Variants in SDC4 observed in about 807,000 individuals in gnomAD.
The protein encoded by SDC4 is syndecan 4, also known as syndecan-4.
SDC4 carries 17 observed loss-of-function variants against 20.5 expected under a neutral mutation model. The ratio of observed to expected loss-of-function variants is 0.83; its 90% confidence interval spans 0.57 to 1.25. The LOEUF (loss-of-function observed/expected upper bound fraction) is 1.25, where lower values mean the gene tolerates loss of function less well. SDC4 is among the 50% of genes most tolerant of loss of function. The pLI is 0.00. For missense variants in SDC4, 241 were observed against 252.3 expected (o/e 0.96, Z 0.30); for synonymous variants, 107 against 105.3 (o/e 1.02, Z -0.10).
chr20:45,328,209 C>A (rs1987723974), intron 4 of SDC4, among the ~76,000 whole-genome samples: 1 of 152,226 alleles, frequency 6.6e-6, no homozygotes, highest in Non-Finnish European at 1.5e-5. Context: ...TAATTCCAAA[C>A]TCTTATGTTA....
Position 45,328,446 on chromosome 20 carries a change from G to T in SDC4, c.446-1031C>A, listed in dbSNP as rs6032114. Among the ~76,000 whole-genome samples, 955 of 152,336 alleles carry T rather than the reference G, an allele frequency of 6.3e-3. 9 individuals carry two copies. The highest frequency in any genetic ancestry group is 0.022 in the African/African-American group (910 of 41,572). On this transcript the variant is annotated intron_variant, in intron 4 of 4. Coordinates refer to ENST00000372733, the MANE Select transcript of SDC4 (RefSeq NM_002999.4). ...TTCTCAAGATTCATTAACTGTAAGG[G>T]TTTAAGGTTTATATCTGTGTCCCGA...
At chr20:45,333,113 G>A (rs1987804831) in intron 2 of SDC4, 44 bp from the exon 3 acceptor site, 1 of 1,584,048 alleles carries the variant, frequency 6.3e-7, no homozygotes, top group Non-Finnish European at 8.7e-7. Context: ...CATTACCCCA[G>A]GAAAATGACC....
At chr20:45,337,416 G>A (rs1292817074) in intron 1 of SDC4, among the ~76,000 whole-genome samples, 1 of 152,132 alleles carries the variant, frequency 6.6e-6, no homozygotes, top group Non-Finnish European at 1.5e-5. Context: ...ATCACAGAAT[G>A]CCAGGACCCA....
intron 3 of SDC4, 86 bp downstream of exon 3, chr20:45,332,937 C>A (rs1049501922): frequency 1.8e-5 from 23 of 1,284,804 alleles, no homozygotes; most frequent in Non-Finnish European, 2.3e-5. Flanking sequence ...ACTTATTCTG[C>A]CTATGGGGGC....
intron 1 of SDC4, among the ~76,000 whole-genome samples, chr20:45,344,499 A>G (rs1222486620): frequency 6.6e-6 from 1 of 151,916 alleles, no homozygotes; most frequent in African/African-American, 2.4e-5. Context: ...TGGAAATCAC[A>G]CTCGCCTGTC....
At position 45,335,849 on chromosome 20, in the gene SDC4, G is replaced by T. The variant is rs141488868; in HGVS notation, c.132C>A (p.Asp44Glu). 1.2e-6 allele frequency: 2 copies of T among 1,614,022 alleles called. No homozygotes were observed. Among genetic ancestry groups the T allele is most frequent in the Non-Finnish European group, 1.7e-6 (2 of 1,179,990 alleles). The stretch of plus-strand genomic sequence containing the variant: ...GCCCGGGCCCCACTACATCCTCATC[G>T]TCTGGTAGGGCTCCGGAGAAGTATC... ...EGRYFSGALP[D>E]DEDVVGPGQE... Residue 44 changes from aspartate (D) to glutamate (E), a missense_variant, in exon 2 of 5, where the codon GAC (aspartate) becomes GAA (glutamate). Asp to Glu is a conservative substitution (Grantham distance 45). Coordinates refer to ENST00000372733, the MANE Select transcript of SDC4 (RefSeq NM_002999.4).
intron 3 of SDC4, among the ~76,000 whole-genome samples, chr20:45,332,034 G>A (rs892916206): frequency 4.6e-5 from 7 of 152,060 alleles, no homozygotes; most frequent in Non-Finnish European, 7.4e-5. Flanking sequence ...CCATTTTTCC[G>A]TCAATAAAGG....
At chr20:45,339,344 C>T (rs544823704) in intron 1 of SDC4, among the ~76,000 whole-genome samples, 19 of 152,356 alleles carry the variant, frequency 1.2e-4, no homozygotes, top group African/African-American at 4.1e-4. Context: ...CAGCTCACCC[C>T]ACCTTTGCCC....
intron 1 of SDC4, among the ~76,000 whole-genome samples, chr20:45,348,024 G>A (rs936675391): frequency 6.6e-6 from 1 of 152,176 alleles, no homozygotes; most frequent in African/African-American, 2.4e-5. Context: ...AGGGACGAGG[G>A]TGTGGGAGTT....
rs1389302766 is a variant in SDC4, at chr20:45,326,249, G to A, written c.*1015C>T. 2 of 147,532 alleles carry A rather than the reference G, an allele frequency of 1.4e-5. No homozygotes were observed. Among genetic ancestry groups the A allele is most frequent in the South Asian group, 2.1e-4 (1 of 4,678 alleles). The allele number at this position is 147,532 out of a possible 1,614,324, so 9.1% of individuals were successfully genotyped here. Reference sequence around the variant, plus strand: ...TTCGGCAAAAGCTATTTTATAAGAGGAAGCAGCTTCAGAAAGGGCCAAGGC... The same window carrying A: ...TTCGGCAAAAGCTATTTTATAAGAGAAAGCAGCTTCAGAAAGGGCCAAGGC... On this transcript the variant is annotated 3_prime_UTR_variant, in exon 5 of 5. Coordinates refer to ENST00000372733, the MANE Select transcript of SDC4 (RefSeq NM_002999.4).
chr20:45,330,309 C>T (rs1297469137), intron 4 of SDC4, 57 bp downstream of exon 4: 13 of 1,510,474 alleles, frequency 8.6e-6, no homozygotes, highest in Non-Finnish European at 1.2e-5. Flanking sequence ...CAGGTGCTCT[C>T]CCCCGCTGAG....
chr20:45,339,848 T>TC (rs1295062074), intron 1 of SDC4, among the ~76,000 whole-genome samples: 1 of 152,162 alleles, frequency 6.6e-6, no homozygotes, highest in Non-Finnish European at 1.5e-5. Flanking sequence ...ACTACATTCT[T>TC]CCCCAGACTG....
rs754991876 is a variant in SDC4 at position 45,336,182 on chromosome 20, G to A, written c.61-262C>T. On this transcript the variant is annotated intron_variant, in intron 1 of 4. Transcript: ENST00000372733. Reference sequence around the variant, plus strand: ...AATCCCAACACTTTGGGAGGCGGAGGCAGGCAGATCACTTGAGGTCAGGAG... The same window carrying A: ...AATCCCAACACTTTGGGAGGCGGAGACAGGCAGATCACTTGAGGTCAGGAG... Among the ~76,000 whole-genome samples, 124 of 152,198 alleles carry A rather than the reference G, an allele frequency of 8.1e-4. 1 individual carries two copies. The highest frequency in any genetic ancestry group is 6.2e-3 in the Admixed American group (94 of 15,282).
At chr20:45,344,683 G>A (rs952491943) in intron 1 of SDC4, among the ~76,000 whole-genome samples, 4 of 152,122 alleles carry the variant, frequency 2.6e-5, no homozygotes, top group East Asian at 1.9e-4. Context: ...ATGTCCCCCC[G>A]CCACCCCAAC....
chr20:45,339,754 T>G (rs1028789826), intron 1 of SDC4, among the ~76,000 whole-genome samples: 2 of 152,036 alleles, frequency 1.3e-5, no homozygotes, highest in Non-Finnish European at 2.9e-5. Context: ...AAATAAAAAA[T>G]AGGGCAATGG....
In SDC4 at chr20:45,327,287, G is replaced by C. The variant is rs1466633295; in HGVS notation, c.574C>G (p.Pro192Ala). The C allele has an allele frequency of 1.2e-6, 2 of 1,614,166 alleles. No individual in the cohort carries two copies. The highest frequency in any genetic ancestry group is 3.3e-5 in the Admixed American group (2 of 60,020). ...LGKKPIYKKA[P>A]TNEFYA ...CTTCACGCGTAGAACTCATTGGTGG[G>C]GGCTTTCTTGTAGATGGGTTTCTTG... Residue 192 changes from proline (P) to alanine (A), a missense_variant, in exon 5 of 5, where the codon CCC (proline) becomes GCC (alanine). Transcript: ENST00000372733.
chr20:45,327,364 A>G lies in SDC4; in HGVS notation c.497T>C (p.Leu166Pro). 1 of 1,614,186 alleles carries G rather than the reference A, an allele frequency of 6.2e-7. No individual in the cohort carries two copies. The highest frequency in any genetic ancestry group is 8.5e-7 in the Non-Finnish European group (1 of 1,180,010). The part of the protein sequence containing the change: ...VGILFAVFLI[L>P]LLMYRMKKKD... ...CTTCTTCATACGGTACATGAGCAGT[A>G]GGATCAGGAAGACGGCAAAGAGGAT... Residue 166 changes from leucine (L) to proline (P), a missense_variant, in exon 5 of 5, where the codon CTA becomes CCA. Physicochemically the swap from Leu to Pro is moderately conservative, Grantham distance 98. Transcript: ENST00000372733.
At position 45,326,433 on chromosome 20, in the gene SDC4, T is replaced by G. The variant is rs1987691598; in HGVS notation, c.*831A>C. ...TTAATAAAAATCATCTCTCCGGCTC[T>G]TCTCTCATTTTCAAGAAACAAACAA... On this transcript the variant is annotated 3_prime_UTR_variant, in exon 5 of 5. Coordinates refer to ENST00000372733, the MANE Select transcript of SDC4 (RefSeq NM_002999.4). The G allele has an allele frequency of 6.7e-6, 1 of 149,558 alleles. No individual in the cohort carries two copies. Among genetic ancestry groups the G allele is most frequent in the South Asian group, 2.1e-4 (1 of 4,724 alleles). 9.3% of individuals were successfully genotyped at this position (149,558 alleles called of 1,614,324 possible).
rs1987857587 is a variant in SDC4, at chr20:45,335,911, T to C, written c.70A>G (p.Thr24Ala). Residue 24 changes from threonine (T) to alanine (A), a missense_variant, in exon 2 of 5, where the codon ACT becomes GCT. Physicochemically the swap from Thr to Ala is moderately conservative, Grantham distance 58. Transcript: ENST00000372733. ...VGGVAESIRE[T>A]EVIDPQDLLE... ...AGGTCCTGGGGGTCGATGACCTCAG[T>C]CTCTCGGATCTAAGATAAAGAAAGG... 1 of 1,612,066 alleles carries C rather than the reference T, an allele frequency of 6.2e-7. No individual in the cohort carries two copies. Among genetic ancestry groups the C allele is most frequent in the Middle Eastern group, 1.7e-4 (1 of 6,058 alleles).
Sources: allele counts gnomAD v4.1 joint callset (sites outside exome capture counted in the v4.1 genomes callset), GRCh38; gene constraint gnomAD v4.1.1; transcripts MANE v1.5; gene names NCBI Gene and HGNC (gene_info 2026-07-23, HGNC 2026-07-21).